The following ARF4 variants were observed in gnomAD, a reference collection of about 807,000 sequenced individuals.
ARF4 encodes ARF GTPase 4.
In ARF4, 5 loss-of-function variants were observed where a neutral mutation model predicts 24.3. That is an observed-to-expected ratio of 0.21 (90% CI 0.11 to 0.43). The LOEUF is 0.43. Ranked by LOEUF, ARF4 falls within the 20% of genes least tolerant of loss-of-function variation. The pLI, the probability that ARF4 is intolerant of heterozygous loss-of-function variation, is 1.00. For synonymous variants in ARF4, 62 were observed against 73.5 expected (o/e 0.84, Z 0.80); for missense variants, 107 against 213.0 (o/e 0.50, Z 3.10).
intron 1 of ARF4, among the ~76,000 whole-genome samples, chr3:57,594,365 G>A (rs2070155982): frequency 6.6e-6 from 1 of 152,184 alleles, no homozygotes; most frequent in African/African-American, 2.4e-5. Flanking sequence ...TGGGATAATA[G>A]GCGTGAGCCA....
At chr3:57,573,930 G>T (rs1323666484) in intron 5 of ARF4, among the ~76,000 whole-genome samples, 3 of 149,700 alleles carry the variant, frequency 2.0e-5, no homozygotes, top group African/African-American at 7.4e-5. Flanking sequence ...CAGGCAATAG[G>T]TTGTTTTTTT....
chr3:57,585,396 A>G lies in ARF4; in HGVS notation c.68-932T>C, dbSNP rs151058334. Among the ~76,000 whole-genome samples the G allele has an allele frequency of 2.6e-5, 4 of 152,286 alleles. No homozygotes were observed. The East Asian group carries it at 7.7e-4, about 29-fold the overall frequency. ...TCCTAGTGACCTTATAATGATAATAAAGGAAGATGAAGCCAATTTTACCCC... is the reference window on the plus strand; with the variant it reads ...TCCTAGTGACCTTATAATGATAATAGAGGAAGATGAAGCCAATTTTACCCC... On this transcript the variant is annotated intron_variant, in intron 1 of 5. Transcript: ENST00000303436.
chr3:57,589,172 ATGGGAGGATCAC>A (rs1335316554), intron 1 of ARF4, among the ~76,000 whole-genome samples: 1 of 151,688 alleles, frequency 6.6e-6, no homozygotes, highest in East Asian at 1.9e-4. Flanking sequence ...TGAGGCTGAG[ATGGGAGGATCAC>A]TTGACCCCAG....
At chr3:57,573,934 T>G (rs1270506351) in intron 5 of ARF4, among the ~76,000 whole-genome samples, 4 of 144,014 alleles carry the variant, frequency 2.8e-5, no homozygotes, top group South Asian at 2.2e-4. Flanking sequence ...CAATAGGTTG[T>G]TTTTTTTTGT....
intron 5 of ARF4, among the ~76,000 whole-genome samples, chr3:57,574,062 C>T (rs1340426925): frequency 2.0e-5 from 3 of 152,198 alleles, no homozygotes; most frequent in Non-Finnish European, 4.4e-5. Context: ...CTGCCTCAGC[C>T]TCCAGAGTAG....
At chr3:57,580,850 C>T (rs1181305145) in intron 3 of ARF4, among the ~76,000 whole-genome samples, 13 of 148,910 alleles carry the variant, frequency 8.7e-5, no homozygotes, top group Admixed American at 5.4e-4. Context: ...TGAGCTCAAG[C>T]GATCCTCCCA....
rs748489377 is a variant in ARF4 at position 57,577,356 on chromosome 3, C to G, written c.290G>C (p.Arg97Pro). Reference sequence around the variant, plus strand: ...ATCTGCTACTTCCTGAATTCTTTCACGATCGTTGCTATCTACCACAAAAAT... The same window carrying G: ...ATCTGCTACTTCCTGAATTCTTTCAGGATCGTTGCTATCTACCACAAAAAT... Reference protein sequence around the residue: ...GLIFVVDSNDRERIQEVADEL... With the variant: ...GLIFVVDSNDPERIQEVADEL... Residue 97 changes from arginine (R) to proline (P), a missense_variant, in exon 4 of 6, where the codon CGT (arginine) becomes CCT (proline). By Grantham distance (103) the Arg-to-Pro change is moderately radical. Coordinates refer to ENST00000303436, the MANE Select transcript of ARF4 (RefSeq NM_001660.4). 1.2e-6 allele frequency: 2 copies of G among 1,613,418 alleles called. No individual in the cohort carries two copies. Among genetic ancestry groups the G allele is most frequent in the Non-Finnish European group, 1.7e-6 (2 of 1,179,826 alleles).
chr3:57,574,104 A>AT (rs971011163), intron 5 of ARF4, among the ~76,000 whole-genome samples: 3 of 151,506 alleles, frequency 2.0e-5, no homozygotes, highest in Non-Finnish European at 2.9e-5. Flanking sequence ...ACTGCACCTA[A>AT]TTTTTTTGTA....
intron 3 of ARF4, among the ~76,000 whole-genome samples, chr3:57,578,915 TAAAAAAGA>T (rs2153408634): frequency 6.6e-6 from 1 of 151,208 alleles, no homozygotes; most frequent in East Asian, 1.9e-4. Flanking sequence ...ATAAAAATAA[TAAAAAAGA>T]AAAAAAGATA....
Position 57,590,134 on chromosome 3 carries a change from AAAC to A in ARF4, c.68-5673_68-5671del, listed in dbSNP as rs1193930079. Among the ~76,000 whole-genome samples, 39 of 144,076 alleles carry A rather than the reference AAAC, an allele frequency of 2.7e-4. 4 individuals carry two copies. The highest frequency in any genetic ancestry group is 2.2e-3 in the Admixed American group (32 of 14,500). 94.5% of individuals were successfully genotyped at this position (144,076 alleles called of 152,430 possible). A position where few individuals can be genotyped will look rare whatever the true frequency, so the allele number is the denominator to read the frequency against. Reference sequence around the variant, plus strand: ...AAATAAATAAATAAATAAATAAATAAAACAAAAAACAAAAAAAGAACATCTATA... The same window carrying A: ...AAATAAATAAATAAATAAATAAATAAAAAAAACAAAAAAAGAACATCTATA... On this transcript the variant is annotated intron_variant, in intron 1 of 5. Coordinates refer to ENST00000303436, the MANE Select transcript of ARF4 (RefSeq NM_001660.4).
In ARF4 at chr3:57,577,384, G is replaced by C. The variant is rs1409029602; in HGVS notation, c.262C>G (p.Leu88Val). The C allele has an allele frequency of 7.5e-6, 12 of 1,607,352 alleles. No homozygotes were observed. The highest frequency in any genetic ancestry group is 1.0e-5 in the Non-Finnish European group (12 of 1,177,022). The stretch of plus-strand genomic sequence containing the variant: ...TCGTTGCTATCTACCACAAAAATAA[G>C]ACCCTGGGGAAAAATTGTTTCAGTA... ...WKHYFQNTQGLIFVVDSNDRE... is the reference protein window; with the variant it reads ...WKHYFQNTQGVIFVVDSNDRE... Residue 88 changes from leucine to valine, a missense_variant, in exon 4 of 6, where the codon CTT becomes GTT. Coordinates refer to ENST00000303436, the MANE Select transcript of ARF4 (RefSeq NM_001660.4).
At chr3:57,577,990 G>T (rs2069927419) in intron 3 of ARF4, among the ~76,000 whole-genome samples, 1 of 151,934 alleles carries the variant, frequency 6.6e-6, no homozygotes, top group Non-Finnish European at 1.5e-5. Flanking sequence ...GACGGAGGTT[G>T]CAGGGAGCTG....
intron 5 of ARF4, 35 bp from the exon 6 acceptor site, chr3:57,572,333 A>T (rs377652551): frequency 6.8e-7 from 1 of 1,474,452 alleles, no homozygotes; most frequent in Admixed American, 1.7e-5. Context: ...CTTGATTAAC[A>T]AAGTTAATAT....
chr3:57,591,888 A>G (rs73084420), intron 1 of ARF4, among the ~76,000 whole-genome samples: 20,253 of 152,216 alleles, frequency 0.13, 1,442 homozygotes, highest in South Asian at 0.21. Context: ...AAAACAGATT[A>G]CGGGCTGGGA....
chr3:57,595,345 G>A (rs568732331), intron 1 of ARF4, among the ~76,000 whole-genome samples: 2 of 152,282 alleles, frequency 1.3e-5, no homozygotes. Flanking sequence ...GAACAGACTG[G>A]AAATTCATTT....
intron 1 of ARF4, among the ~76,000 whole-genome samples, chr3:57,589,508 A>G (rs1411786175): frequency 2.6e-5 from 4 of 152,086 alleles, no homozygotes; most frequent in Non-Finnish European, 5.9e-5. Flanking sequence ...TCACGAGGTC[A>G]GCAGTTCGCG....
rs535364693 is a variant in ARF4 at position 57,586,458 on chromosome 3, T to C, written c.68-1994A>G. Among the ~76,000 whole-genome samples, 5 of 152,358 alleles carry C rather than the reference T, an allele frequency of 3.3e-5. No individual in the cohort carries two copies. In the East Asian group the frequency reaches 9.6e-4, roughly 29 times the overall value. On this transcript the variant is annotated intron_variant, in intron 1 of 5. Coordinates refer to ENST00000303436, the MANE Select transcript of ARF4 (RefSeq NM_001660.4). The stretch of plus-strand genomic sequence containing the variant: ...GGCTACAGGCAATTCTGATTCCTTC[T>C]ACCCTCTTAACAACCCTTTCTACTC...
chr3:57,590,123 A>C (rs1368884200), intron 1 of ARF4, among the ~76,000 whole-genome samples: 1 of 147,656 alleles, frequency 6.8e-6, no homozygotes, highest in Non-Finnish European at 1.5e-5. Context: ...AAATAAATAA[A>C]TAAATAAATA....
chr3:57,591,182 C>T (rs539609803), intron 1 of ARF4, among the ~76,000 whole-genome samples: 45 of 152,206 alleles, frequency 3.0e-4, no homozygotes, highest in Admixed American at 5.2e-4. Context: ...ATGTTCAAGA[C>T]GGTTACCATG....
Sources: allele counts gnomAD v4.1 joint callset (sites outside exome capture counted in the v4.1 genomes callset), GRCh38; gene constraint gnomAD v4.1.1; transcripts MANE v1.5; gene names NCBI Gene and HGNC (gene_info 2026-07-23, HGNC 2026-07-21).